Variants in CRACD observed in about 807,000 individuals in gnomAD.
CRACD encodes capping protein-inhibiting regulator of actin dynamics.
CRACD carries 56 observed loss-of-function variants against 106.8 expected under a neutral mutation model. The observed-to-expected ratio is 0.52, with a 90% CI of 0.42 to 0.66. The LOEUF is 0.66. Among genes scored for constraint, CRACD ranks in the 30% least tolerant of loss-of-function variants. The pLI is 0.00. For missense variants in CRACD, 1,730 were observed against 1,623.2 expected (o/e 1.07, Z -1.13); for synonymous variants, 754 against 670.8 (o/e 1.12, Z -1.92).
intron 2 of CRACD, among the ~76,000 whole-genome samples, chr4:56,204,014 C>G (rs1257000842): frequency 6.6e-6 from 1 of 152,218 alleles, no homozygotes; most frequent in Non-Finnish European, 1.5e-5. Context: ...TGTGCATATT[C>G]AAAAAAGACT....
intron 1 of CRACD, among the ~76,000 whole-genome samples, chr4:56,178,524 T>C (rs1332024268): frequency 2.0e-5 from 3 of 152,236 alleles, no homozygotes; most frequent in African/African-American, 7.2e-5. Context: ...CTGTTCTAGT[T>C]GTATTCAATG....
chr4:56,087,092 A>C (rs908250367), intron 1 of CRACD, among the ~76,000 whole-genome samples: 1 of 151,272 alleles, frequency 6.6e-6, no homozygotes, highest in African/African-American at 2.4e-5. Context: ...ACTCACTACA[A>C]CCTCCGCCTC....
At chr4:56,154,133 G>A (rs755938266) in intron 1 of CRACD, among the ~76,000 whole-genome samples, 1 of 152,134 alleles carries the variant, frequency 6.6e-6, no homozygotes, top group Non-Finnish European at 1.5e-5. Flanking sequence ...GCCTAAAGGA[G>A]GATCTGCAGC....
intron 2 of CRACD, among the ~76,000 whole-genome samples, chr4:56,233,827 A>G (rs1345512998): frequency 6.6e-6 from 1 of 152,170 alleles, no homozygotes; most frequent in African/African-American, 2.4e-5. Context: ...ACCCATGTAT[A>G]TGGTATATCT....
At chr4:56,316,723 C>T (rs202127462) in intron 8 of CRACD, 34 bp downstream of exon 8, 2 of 1,575,532 alleles carry the variant, frequency 1.3e-6, no homozygotes, top group African/African-American at 1.3e-5. Context: ...CTGCTGCCAG[C>T]CGAGGTGTCA....
intron 2 of CRACD, among the ~76,000 whole-genome samples, chr4:56,190,410 G>A (rs552786906): frequency 1.1e-4 from 16 of 152,256 alleles, no homozygotes; most frequent in Non-Finnish European, 2.2e-4. Flanking sequence ...CTTCCACAAC[G>A]GTTGAACTAG....
intron 1 of CRACD, among the ~76,000 whole-genome samples, chr4:56,159,239 CTT>C (rs1233496986): frequency 1.3e-5 from 2 of 152,204 alleles, no homozygotes; most frequent in South Asian, 2.1e-4. Flanking sequence ...GAACAGGTCT[CTT>C]TTATCGATTG....
chr4:56,212,004 T>A (rs566923021), intron 2 of CRACD, among the ~76,000 whole-genome samples: 1 of 152,134 alleles, frequency 6.6e-6, no homozygotes, highest in Admixed American at 6.5e-5. Context: ...CTGGGCTGTA[T>A]CCCCAGGAGG....
intron 1 of CRACD, among the ~76,000 whole-genome samples, chr4:56,166,942 A>G (rs1056641679): frequency 6.6e-6 from 1 of 152,206 alleles, no homozygotes; most frequent in Admixed American, 6.5e-5. Flanking sequence ...CTTAATAAGT[A>G]TGGGACAGTG....
intron 7 of CRACD, among the ~76,000 whole-genome samples, 156 bp downstream of exon 7, chr4:56,313,535 C>T (rs1290904724): frequency 2.0e-5 from 3 of 152,220 alleles, no homozygotes; most frequent in Non-Finnish European, 4.4e-5. Flanking sequence ...ATACACAGGC[C>T]TGTTTACTTT....
chr4:56,069,453 C>T (rs143230516), intron 1 of CRACD, among the ~76,000 whole-genome samples: 5 of 152,208 alleles, frequency 3.3e-5, no homozygotes, highest in East Asian at 1.9e-4. Context: ...GACCCAGTCC[C>T]GGGACTCTCC....
intron 2 of CRACD, among the ~76,000 whole-genome samples, chr4:56,192,675 T>C (rs1737431106): frequency 6.6e-6 from 1 of 151,970 alleles, no homozygotes; most frequent in Admixed American, 6.6e-5. Context: ...AAATAAGCTT[T>C]GGGAAAGAAA....
chr4:56,196,245 TGGAGGATACA>T (rs1737603235), intron 2 of CRACD: 1 of 152,702 alleles, frequency 6.5e-6, no homozygotes, highest in Non-Finnish European at 1.5e-5. Flanking sequence ...TTCACAGAAA[TGGAGGATACA>T]GGACAGAATT....
intron 3 of CRACD, among the ~76,000 whole-genome samples, chr4:56,291,802 C>A (rs188629372): frequency 2.0e-5 from 3 of 152,268 alleles, no homozygotes; most frequent in African/African-American, 7.2e-5. Flanking sequence ...AGTTAAACCT[C>A]TTTTCTTTAT....
chr4:56,128,065 G>A (rs906220567), intron 1 of CRACD, among the ~76,000 whole-genome samples: 3 of 151,972 alleles, frequency 2.0e-5, no homozygotes, highest in Admixed American at 6.6e-5. Flanking sequence ...GAATTTGAGC[G>A]AAATAAAATG....
intron 1 of CRACD, among the ~76,000 whole-genome samples, chr4:56,073,807 G>A (rs755875959): frequency 1.4e-4 from 21 of 152,102 alleles, no homozygotes; most frequent in Non-Finnish European, 2.5e-4. Context: ...GTATTGCCCA[G>A]GTTCCTTCTA....
intron 2 of CRACD, among the ~76,000 whole-genome samples, chr4:56,271,083 C>T (rs889543086): frequency 2.2e-5 from 3 of 134,606 alleles, no homozygotes; most frequent in East Asian, 4.2e-4. Context: ...CCAGCTTGGG[C>T]GATAAGAGTG....
rs1280759035 is a variant in CRACD at position 56,119,653 on chromosome 4, A to G, written c.-335-59631A>G. Among the ~76,000 whole-genome samples the G allele has an allele frequency of 3.3e-5, 5 of 151,764 alleles. No homozygotes were observed. The South Asian group carries it at 6.2e-4, about 19-fold the overall frequency. On this transcript the variant is annotated intron_variant, in intron 1 of 10. Transcript: ENST00000682029. ...CCCAGCCCTATTCTCAGTTTTTTCCACTTATATATCTCATCTAGTTTTACA... is the reference window on the plus strand; with the variant it reads ...CCCAGCCCTATTCTCAGTTTTTTCCGCTTATATATCTCATCTAGTTTTACA...
intron 2 of CRACD, among the ~76,000 whole-genome samples, chr4:56,214,865 G>A (rs1474987505): frequency 6.6e-6 from 1 of 150,850 alleles, no homozygotes; most frequent in East Asian, 2.0e-4. Context: ...ATAAAAAATT[G>A]GTTGGGTGTG....
Sources: allele counts gnomAD v4.1 joint callset (sites outside exome capture counted in the v4.1 genomes callset), GRCh38; gene constraint gnomAD v4.1.1; transcripts MANE v1.5; gene names NCBI Gene and HGNC (gene_info 2026-07-23, HGNC 2026-07-21).